The following SGIP1 variants were observed in gnomAD, a reference collection of about 807,000 sequenced individuals.
SGIP1 encodes the protein SH3GL interacting endocytic adaptor 1.
A neutral mutation model predicts 107.5 loss-of-function variants in SGIP1; 38 were observed. The ratio of observed to expected loss-of-function variants is 0.35; its 90% CI spans 0.27 to 0.46. The LOEUF (loss-of-function observed/expected upper bound fraction) is 0.46, where lower values mean the gene tolerates loss of function less well. Among genes scored for constraint, SGIP1 ranks in the 20% least tolerant of loss-of-function variants. The probability of loss-of-function intolerance (pLI) is 1.00; values close to 1 mark genes in which losing one functional copy is unlikely to be tolerated. For missense variants in SGIP1, 929 were observed against 1,019.5 expected (o/e 0.91, Z 1.21); for synonymous variants, 365 against 366.1 (o/e 1.00, Z 0.03).
intron 1 of SGIP1, among the ~76,000 whole-genome samples, chr1:66,610,412 A>C (rs2149139812): frequency 6.6e-6 from 1 of 152,254 alleles, no homozygotes; most frequent in African/African-American, 2.4e-5. Context: ...GCTCCCCTAA[A>C]ATTTTCTGTG....
chr1:66,726,902 T>C (rs761552383), intron 19 of SGIP1, among the ~76,000 whole-genome samples: 1 of 152,134 alleles, frequency 6.6e-6, no homozygotes, highest in Non-Finnish European at 1.5e-5. Context: ...GGCCAGGAGT[T>C]TGAGACTACA....
At chr1:66,626,359 G>C (rs1370159889) in intron 2 of SGIP1, among the ~76,000 whole-genome samples, 1 of 152,068 alleles carries the variant, frequency 6.6e-6, no homozygotes, top group Non-Finnish European at 1.5e-5. Context: ...TCTTACTTGA[G>C]ATGCCAAGAT....
chr1:66,634,967 A>G (rs1052243000), intron 3 of SGIP1, among the ~76,000 whole-genome samples: 1 of 152,202 alleles, frequency 6.6e-6, no homozygotes, highest in Admixed American at 6.5e-5. Context: ...CCTTGTTTCT[A>G]TAGACCCAGT....
chr1:66,587,070 T>C (rs558055401), intron 1 of SGIP1, among the ~76,000 whole-genome samples: 26 of 152,152 alleles, frequency 1.7e-4, no homozygotes, highest in Non-Finnish European at 2.8e-4. Flanking sequence ...ATTAGAATTG[T>C]TTCTTTCCTA....
chr1:66,695,475 T>G lies in SGIP1; in HGVS notation c.1612T>G (p.Phe538Val). Residue 538 changes from phenylalanine to valine, a missense_variant, in exon 18 of 25, where the codon TTT (phenylalanine) becomes GTT (valine). Physicochemically the swap from Phe to Val is conservative, Grantham distance 50. This residue lies in a region of SGIP1 where 341 missense variants were observed against 430.9 expected (regional missense o/e 0.79). Coordinates refer to ENST00000371037, the MANE Select transcript of SGIP1 (RefSeq NM_032291.4). Reference sequence around the variant, plus strand: ...CCTCGTTTGGTTTGACAGAGGAAAGTTTTATTTGACTTTTGAAGGTAAGTA... The same window carrying G: ...CCTCGTTTGGTTTGACAGAGGAAAGGTTTATTTGACTTTTGAAGGTAAGTA... ...PSLVWFDRGKFYLTFEGSSRG... is the reference protein window; with the variant it reads ...PSLVWFDRGKVYLTFEGSSRG... The G allele has an allele frequency of 4.3e-6, 7 of 1,613,970 alleles. No homozygotes were observed. Among genetic ancestry groups the G allele is most frequent in the Non-Finnish European group, 5.9e-6 (7 of 1,179,962 alleles).
At chr1:66,663,571 A>G (rs2147777) in intron 8 of SGIP1, among the ~76,000 whole-genome samples, 1 of 151,926 alleles carries the variant, frequency 6.6e-6, no homozygotes, top group African/African-American at 2.4e-5. Flanking sequence ...TTATTTTCCT[A>G]TTGAAGCTTT....
intron 24 of SGIP1, among the ~76,000 whole-genome samples, chr1:66,741,870 C>T (rs1411069376): frequency 1.3e-5 from 2 of 151,968 alleles, no homozygotes; most frequent in African/African-American, 4.8e-5. Flanking sequence ...CGGGTTCACG[C>T]CATTCTCCTG....
intron 1 of SGIP1, among the ~76,000 whole-genome samples, chr1:66,589,163 CAT>C (rs55788345): frequency 2.4e-3 from 166 of 69,674 alleles, no homozygotes; most frequent in Non-Finnish European, 3.1e-3. Flanking sequence ...TAAAAGTTTA[CAT>C]ATATATATAT....
intron 1 of SGIP1, among the ~76,000 whole-genome samples, chr1:66,603,573 C>T (rs2066267108): frequency 6.6e-6 from 1 of 152,098 alleles, no homozygotes; most frequent in African/African-American, 2.4e-5. Context: ...ACACAGACCA[C>T]ACACTGTACT....
At position 66,625,923 on chromosome 1, in the gene SGIP1, G is replaced by A; in HGVS notation, c.74+13G>A. 6.2e-7 allele frequency: 1 copy of A among 1,606,524 alleles called. No homozygotes were observed. ...ACACTGATTCTACGTATGTACTTTA[G>A]GAGTTTGCCTCCTCGAAGAAGCTAT... On this transcript the variant is annotated intron_variant, in intron 2 of 24. Coordinates refer to ENST00000371037, the MANE Select transcript of SGIP1 (RefSeq NM_032291.4).
intron 1 of SGIP1, among the ~76,000 whole-genome samples, chr1:66,563,717 A>G (rs940456237): frequency 5.3e-5 from 8 of 151,978 alleles, no homozygotes; most frequent in African/African-American, 1.9e-4. Flanking sequence ...CCTCCACCCA[A>G]GTAATTTGCT....
intron 1 of SGIP1, among the ~76,000 whole-genome samples, chr1:66,566,948 G>A (rs943846805): frequency 1.1e-4 from 17 of 152,000 alleles, no homozygotes; most frequent in African/African-American, 3.9e-4. Context: ...ACTTATGAGT[G>A]TGAACATGCA....
intron 8 of SGIP1, among the ~76,000 whole-genome samples, chr1:66,664,774 A>G (rs575547474): frequency 1.3e-5 from 2 of 151,698 alleles, no homozygotes; most frequent in South Asian, 4.2e-4. Context: ...TCCATGCATT[A>G]GCGCACATAT....
intron 1 of SGIP1, among the ~76,000 whole-genome samples, chr1:66,563,452 A>G (rs1343028282): frequency 6.6e-6 from 1 of 152,002 alleles, no homozygotes; most frequent in Admixed American, 6.6e-5. Flanking sequence ...GCCCGATTCC[A>G]CCAAGGTGAA....
intron 1 of SGIP1, among the ~76,000 whole-genome samples, chr1:66,595,531 C>G (rs1198445818): frequency 6.6e-6 from 1 of 152,152 alleles, no homozygotes. Context: ...TCAAACCTTC[C>G]ACAACCTCAC....
At chr1:66,616,088 T>G (rs1009017057) in intron 1 of SGIP1, 3 of 152,244 alleles carry the variant, frequency 2.0e-5, no homozygotes, top group Non-Finnish European at 2.9e-5. Context: ...TGCTGTATTT[T>G]CCTGCTGCAT....
chr1:66,720,047 G>T (rs1167771941), intron 19 of SGIP1, among the ~76,000 whole-genome samples: 1 of 152,168 alleles, frequency 6.6e-6, no homozygotes, highest in East Asian at 1.9e-4. Flanking sequence ...TACTGACAAT[G>T]GACTTGGTCT....
chr1:66,735,318 C>T (rs144059502), intron 21 of SGIP1, among the ~76,000 whole-genome samples: 81 of 152,108 alleles, frequency 5.3e-4, no homozygotes, highest in African/African-American at 1.5e-3. Context: ...TGGGTTCAAG[C>T]GATCCTCCTG....
At chr1:66,553,853 G>C (rs2148321570) in intron 1 of SGIP1, among the ~76,000 whole-genome samples, 1 of 152,164 alleles carries the variant, frequency 6.6e-6, no homozygotes, top group South Asian at 2.1e-4. Context: ...TGATAGGTTT[G>C]TCACAATGAT....
Sources: gnomAD v4.1 joint callset for allele counts (sites outside exome capture counted in the v4.1 genomes callset) on GRCh38, gnomAD v4.1.1 for gene constraint, gnomAD v4.1.1 regional missense constraint, MANE v1.5 for transcripts, NCBI Gene and HGNC (gene_info 2026-07-23, HGNC 2026-07-21) for gene names.